Variants in RGPD3 observed in about 807,000 individuals in gnomAD.
RGPD3 encodes the protein ranBP2-like and GRIP domain-containing protein 3.
RGPD3 carries 62 observed loss-of-function variants against 154.5 expected under a neutral mutation model. The ratio of observed to expected loss-of-function variants is 0.40; its 90% CI spans 0.33 to 0.50. The LOEUF (loss-of-function observed/expected upper bound fraction) is 0.50, where lower values mean the gene tolerates loss of function less well. RGPD3 is among the 20% of genes least tolerant of loss of function. The probability of loss-of-function intolerance (pLI) is 0.59; values close to 1 mark genes in which losing one functional copy is unlikely to be tolerated. For synonymous variants in RGPD3, 308 were observed against 607.0 expected, an observed-to-expected ratio of 0.51 and a Z score of 7.24; for missense variants, 919 against 1,716.8, an observed-to-expected ratio of 0.54 and a Z score of 8.21.
At chr2:106,414,686 G>T (rs1676770320) in intron 21 of RGPD3, among the ~76,000 whole-genome samples, 6 of 150,994 alleles carry the variant, frequency 4.0e-5, no homozygotes, top group Admixed American at 4.0e-4. Flanking sequence ...TTAGTGATTT[G>T]TTAGCTATGA....
intron 1 of RGPD3, among the ~76,000 whole-genome samples, chr2:106,461,511 C>A (rs1678405120): frequency 6.6e-6 from 1 of 152,042 alleles, no homozygotes; most frequent in Non-Finnish European, 1.5e-5. Context: ...TTATTCAGAA[C>A]TGTTTGCAAT....
chr2:106,413,953 T>G (rs1676746278), intron 21 of RGPD3, among the ~76,000 whole-genome samples: 1 of 152,134 alleles, frequency 6.6e-6, no homozygotes, highest in Non-Finnish European at 1.5e-5. Flanking sequence ...GGCATGGGGC[T>G]CTGAAAATGG....
chr2:106,451,449 GAGA>G (rs1162613757), intron 6 of RGPD3, among the ~76,000 whole-genome samples: 3 of 142,110 alleles, frequency 2.1e-5, no homozygotes, highest in Admixed American at 1.4e-4. Flanking sequence ...CTACAAAAAG[GAGA>G]AGATTACTAA....
At chr2:106,464,464 T>G (rs1678502947) in intron 1 of RGPD3, among the ~76,000 whole-genome samples, 1 of 151,296 alleles carries the variant, frequency 6.6e-6, no homozygotes, top group African/African-American at 2.4e-5. Context: ...AAAAAACAAC[T>G]AACAGCTGTC....
intron 1 of RGPD3, among the ~76,000 whole-genome samples, chr2:106,461,790 C>A (rs1457941994): frequency 2.0e-4 from 30 of 151,942 alleles, no homozygotes; most frequent in African/African-American, 6.5e-4. Context: ...CAGGCTAACA[C>A]CTGCAATCCC....
At position 106,434,308 on chromosome 2, in the gene RGPD3, T is replaced by C. The variant is rs1255242326; in HGVS notation, c.2125A>G (p.Lys709Glu). Reference sequence around the variant, plus strand: ...CCCCTGGTCTTTCTCAGATAATTTTTGCATTCTTCTTGTTCTTCAGGAGAA... The same window carrying C: ...CCCCTGGTCTTTCTCAGATAATTTTCGCATTCTTCTTGTTCTTCAGGAGAA... ...ALSPEEQEEC[K>E]NYLRKTRGYL... The change falls in exon 15 of 23, where the codon AAA becomes GAA. Residue 709 changes from lysine to glutamate, a missense_variant. By Grantham distance (56) the Lys-to-Glu change is moderately conservative. Transcript: ENST00000409886. 1 of 1,609,196 alleles carries C rather than the reference T, an allele frequency of 6.2e-7. No individual in the cohort carries two copies. The highest frequency in any genetic ancestry group is 2.2e-5 in the East Asian group (1 of 44,686).
chr2:106,423,783 A>G lies in RGPD3; in HGVS notation c.4184T>C (p.Ile1395Thr). The change falls in exon 20 of 23, where the codon ATA (isoleucine) becomes ACA (threonine). Residue 1395 changes from isoleucine (I) to threonine (T), a missense_variant. Physicochemically the swap from Ile to Thr is moderately conservative, Grantham distance 89. Transcript: ENST00000409886. ...LQNYDNKHVR[I>T]LMRRDQVLKL... Reference sequence around the variant, plus strand: ...TAATACTTGGTCCCTTCTCATCAGTATACGAACGTGCTTATTATCATAATT... The same window carrying G: ...TAATACTTGGTCCCTTCTCATCAGTGTACGAACGTGCTTATTATCATAATT... 1.2e-6 allele frequency: 2 copies of G among 1,612,004 alleles called. No homozygotes were observed. Among genetic ancestry groups the G allele is most frequent in the Non-Finnish European group, 1.7e-6 (2 of 1,179,872 alleles).
At chr2:106,458,994 C>T (rs1190459516) in intron 2 of RGPD3, among the ~76,000 whole-genome samples, 3 of 141,658 alleles carry the variant, frequency 2.1e-5, no homozygotes, top group South Asian at 2.3e-4. Context: ...TCCTCTTTTA[C>T]TTCAACAGAA....
intron 1 of RGPD3, among the ~76,000 whole-genome samples, chr2:106,464,101 T>C (rs904998794): frequency 1.3e-5 from 2 of 152,164 alleles, no homozygotes; most frequent in African/African-American, 2.4e-5. Context: ...ATCCCGGCAC[T>C]TTGGGAGGCT....
At chr2:106,449,152 A>G (rs1678029404) in intron 6 of RGPD3, among the ~76,000 whole-genome samples, 1 of 151,878 alleles carries the variant, frequency 6.6e-6, no homozygotes, top group Non-Finnish European at 1.5e-5. Context: ...CTGTTGGAAA[A>G]TAGTTATTTT....
chr2:106,469,894 G>C (rs1002000744), upstream of RGPD3, among the ~76,000 whole-genome samples: 2 of 151,936 alleles, frequency 1.3e-5, no homozygotes, highest in African/African-American at 4.8e-5. Flanking sequence ...CCAAAACCTC[G>C]TAACTCCTTT....
At chr2:106,450,376 C>T (rs1483002388) in intron 6 of RGPD3, among the ~76,000 whole-genome samples, 1 of 141,914 alleles carries the variant, frequency 7.0e-6, no homozygotes, top group Admixed American at 7.2e-5. Context: ...CATCTGTCAC[C>T]CACAGCCCTA....
intron 18 of RGPD3, 93 bp downstream of exon 18, chr2:106,429,553 T>G: frequency 6.7e-7 from 1 of 1,496,068 alleles, no homozygotes; most frequent in Non-Finnish European, 9.1e-7. Context: ...TTAACAAACA[T>G]ATATAAACAA....
intron 20 of RGPD3, among the ~76,000 whole-genome samples, chr2:106,421,608 A>T (rs1049706248): frequency 6.6e-6 from 1 of 151,966 alleles, no homozygotes; most frequent in African/African-American, 2.4e-5. Flanking sequence ...ACTTCTAAAA[A>T]TGATCTGTGC....
chr2:106,428,581 A>T (rs577012582), intron 18 of RGPD3, among the ~76,000 whole-genome samples: 1,986 of 151,158 alleles, frequency 0.013, 48 homozygotes, highest in African/African-American at 0.045. Flanking sequence ...TGTTGAGAAG[A>T]TACTATCACA....
chr2:106,449,729 C>T (rs1234597473), intron 6 of RGPD3, among the ~76,000 whole-genome samples: 2 of 151,214 alleles, frequency 1.3e-5, no homozygotes, highest in African/African-American at 2.4e-5. Context: ...GTCAAGAGAT[C>T]GAGACCAGCC....
At chr2:106,465,890 C>G (rs1678559816) in intron 1 of RGPD3, among the ~76,000 whole-genome samples, 2 of 151,956 alleles carry the variant, frequency 1.3e-5, no homozygotes, top group African/African-American at 2.4e-5. Flanking sequence ...TTTGCGCCGT[C>G]GGGCCATTGC....
In RGPD3 at chr2:106,434,313, T is replaced by C. The variant is rs1558846747; in HGVS notation, c.2120A>G (p.Glu707Gly). ...GGTCTTTCTCAGATAATTTTTGCAT[T>C]CTTCTTGTTCTTCAGGAGAAAGGGC... ...NDALSPEEQE[E>G]CKNYLRKTRG... The change falls in exon 15 of 23, where the codon GAA (glutamate) becomes GGA (glycine). Residue 707 changes from glutamate (E) to glycine (G), a missense_variant. Glu to Gly is a moderately conservative substitution (Grantham distance 98). Coordinates refer to ENST00000409886, the MANE Select transcript of RGPD3 (RefSeq NM_001144013.2). The C allele has an allele frequency of 1.2e-6, 2 of 1,609,628 alleles. No individual in the cohort carries two copies. The highest frequency in any genetic ancestry group is 1.7e-6 in the Non-Finnish European group (2 of 1,178,872).
At chr2:106,420,676 AAT>A (rs369987654) in intron 20 of RGPD3, among the ~76,000 whole-genome samples, 370 of 152,414 alleles carry the variant, frequency 2.4e-3, no homozygotes, top group African/African-American at 8.4e-3. Context: ...TTCTGGACAT[AAT>A]GAGTTAAATC....
Sources: gnomAD v4.1 joint callset for allele counts (sites outside exome capture counted in the v4.1 genomes callset) on GRCh38, gnomAD v4.1.1 for gene constraint, MANE v1.5 for transcripts, NCBI Gene and HGNC (gene_info 2026-07-23, HGNC 2026-07-21) for gene names.